Variants in SPATA6L observed in about 807,000 individuals in gnomAD.
SPATA6L encodes spermatogenesis associated 6-like protein.
SPATA6L carries 68 observed loss-of-function variants against 49.2 expected under a neutral mutation model. The observed-to-expected ratio is 1.38, with a 90% CI of 1.14 to 1.69. SPATA6L has a LOEUF of 1.69. Ranked by LOEUF, SPATA6L falls within the 40% of genes most tolerant of loss-of-function variation. The pLI is 0.00. For missense variants in SPATA6L, 668 were observed against 464.3 expected (o/e 1.44, Z -4.03); for synonymous variants, 198 against 165.7 (o/e 1.19, Z -1.50).
intron 1 of SPATA6L, chr9:4,663,471 C>T: frequency 1.8e-6 from 1 of 551,372 alleles, no homozygotes; most frequent in East Asian, 2.9e-5. Flanking sequence ...AGCAAAAAAA[C>T]CCAAAAAATC....
At chr9:4,652,216 T>C (rs1361513068) in intron 3 of SPATA6L, among the ~76,000 whole-genome samples, 2 of 149,790 alleles carry the variant, frequency 1.3e-5, no homozygotes, top group African/African-American at 4.9e-5. Context: ...AGGCCGGGAG[T>C]TCAAGATCAG....
At chr9:4,616,124 A>G (rs1293823790) in intron 9 of SPATA6L, among the ~76,000 whole-genome samples, 3 of 152,018 alleles carry the variant, frequency 2.0e-5, no homozygotes, top group African/African-American at 7.3e-5. Context: ...TAAAAATATG[A>G]AAATTAGCCG....
intron 9 of SPATA6L, among the ~76,000 whole-genome samples, chr9:4,605,851 C>G (rs1041348829): frequency 3.9e-5 from 6 of 152,200 alleles, no homozygotes; most frequent in Non-Finnish European, 5.9e-5. Context: ...CAGCTCCCAG[C>G]GTGAGCGACG....
At chr9:4,626,714 A>G in intron 5 of SPATA6L, 1 of 460,806 alleles carries the variant, frequency 2.2e-6, no homozygotes. Flanking sequence ...ACCCTGGCTG[A>G]TATATCAGTT....
At chr9:4,664,658 C>G (rs1312663829) in intron 1 of SPATA6L, 2 of 167,052 alleles carry the variant, frequency 1.2e-5, no homozygotes, top group Non-Finnish European at 2.9e-5. Flanking sequence ...GAAGTGATGT[C>G]CTCAGATAAT....
intron 11 of SPATA6L, among the ~76,000 whole-genome samples, chr9:4,602,020 GA>G (rs1823426311): frequency 6.6e-6 from 1 of 152,188 alleles, no homozygotes; most frequent in Non-Finnish European, 1.5e-5. Flanking sequence ...CATGACTCAA[GA>G]AGCGGGGTCA....
At chr9:4,646,556 A>G in intron 3 of SPATA6L, 1 of 1,437,052 alleles carries the variant, frequency 7.0e-7, no homozygotes, top group Non-Finnish European at 9.3e-7. Context: ...AGATTTTAAT[A>G]CTTCCAAAAA....
chr9:4,625,299 A>G (rs1181617818), intron 6 of SPATA6L, 28 bp downstream of exon 6: 1 of 1,599,514 alleles, frequency 6.3e-7, no homozygotes, highest in East Asian at 2.2e-5. Context: ...CTATTGCAAA[A>G]TGCTCTAAAA....
chr9:4,624,635 G>T (rs1186516186), intron 6 of SPATA6L, among the ~76,000 whole-genome samples: 2 of 151,716 alleles, frequency 1.3e-5, no homozygotes, highest in African/African-American at 4.8e-5. Flanking sequence ...GGCTGAGGCA[G>T]GAGAATCACT....
chr9:4,652,817 G>A (rs191764521), intron 3 of SPATA6L, among the ~76,000 whole-genome samples: 1 of 147,114 alleles, frequency 6.8e-6, no homozygotes, highest in African/African-American at 2.5e-5. Context: ...CTCCAGCCTA[G>A]GCAACAAGAG....
Position 4,662,820 on chromosome 9 carries a change from G to T in SPATA6L, c.40-784C>A, listed in dbSNP as rs765625387. 1.2e-6 allele frequency: 2 copies of T among 1,604,966 alleles called. No homozygotes were observed. Among genetic ancestry groups the T allele is most frequent in the Non-Finnish European group, 8.5e-7 (1 of 1,179,940 alleles). On this transcript the variant is annotated intron_variant, in intron 1 of 11. Transcript: ENST00000682582. The surrounding 1 kb of genome is among the most constrained non-coding windows in gnomAD (Gnocchi z 4.9). ...GGGACACGGCATCCCCTGGCTGCTG[G>T]GCACCCTCTACTGCCTGTGCAGGAG...
At chr9:4,613,745 A>G (rs1252034043) in intron 9 of SPATA6L, among the ~76,000 whole-genome samples, 1 of 152,006 alleles carries the variant, frequency 6.6e-6, no homozygotes, top group Non-Finnish European at 1.5e-5. Flanking sequence ...CACCAAGCCC[A>G]GCGAATTTTT....
intron 13 of SPATA6L, among the ~76,000 whole-genome samples, chr9:4,592,494 A>G (rs1317894778): frequency 1.3e-5 from 2 of 152,214 alleles, no homozygotes; most frequent in African/African-American, 4.8e-5. Flanking sequence ...CGAAGAAACT[A>G]GCACAAAACA....
chr9:4,609,528 G>A (rs1484889705), intron 9 of SPATA6L, among the ~76,000 whole-genome samples: 1 of 151,858 alleles, frequency 6.6e-6, no homozygotes, highest in Non-Finnish European at 1.5e-5. Flanking sequence ...CATATAAACA[G>A]AACCAAAGAC....
At position 4,635,328 on chromosome 9, in the gene SPATA6L, A is replaced by C. The variant is rs1564238501; in HGVS notation, c.298T>G (p.Ser100Ala). The C allele has an allele frequency of 1.3e-6, 2 of 1,590,378 alleles. No individual in the cohort carries two copies. Among genetic ancestry groups the C allele is most frequent in the African/African-American group, 2.7e-5 (2 of 73,006 alleles). The change falls in exon 4 of 12, where the codon TCG (serine) becomes GCG (alanine). Residue 100 changes from serine to alanine, a missense_variant. By Grantham distance (99) the Ser-to-Ala change is moderately conservative. Coordinates refer to ENST00000682582, the MANE Select transcript of SPATA6L (RefSeq NM_001353486.2). ...ACCTCCCTACACCTCCTAGGGTGCGAAGGTGTCAGCTTGGGCTCTGGGAAA... is the reference window on the plus strand; with the variant it reads ...ACCTCCCTACACCTCCTAGGGTGCGCAGGTGTCAGCTTGGGCTCTGGGAAA... ...FLFPEPKLTP[S>A]HPRRCREVLM...
chr9:4,615,697 G>C (rs571708839), intron 9 of SPATA6L, among the ~76,000 whole-genome samples: 1 of 152,298 alleles, frequency 6.6e-6, no homozygotes, highest in African/African-American at 2.4e-5. Flanking sequence ...TCAGTGACAA[G>C]GGGGTATGTC....
chr9:4,598,050 C>G (rs376782038), downstream of SPATA6L, among the ~76,000 whole-genome samples: 1 of 152,172 alleles, frequency 6.6e-6, no homozygotes, highest in Non-Finnish European at 1.5e-5. Flanking sequence ...ATCATTTGCA[C>G]TCTCATTTTT....
intron 13 of SPATA6L, among the ~76,000 whole-genome samples, chr9:4,592,504 A>C (rs573185023): frequency 1.5e-4 from 23 of 152,318 alleles, no homozygotes; most frequent in Non-Finnish European, 8.8e-5. Context: ...AGCACAAAAC[A>C]TTAAGCAACT....
intron 7 of SPATA6L, among the ~76,000 whole-genome samples, chr9:4,622,125 C>T (rs1240897176): frequency 6.6e-6 from 1 of 152,212 alleles, no homozygotes; most frequent in East Asian, 1.9e-4. Flanking sequence ...ACAAGTTGCA[C>T]TCTGCTTCCC....
Sources: allele counts gnomAD v4.1 joint callset (sites outside exome capture counted in the v4.1 genomes callset), GRCh38; gene constraint gnomAD v4.1.1; non-coding constraint Gnocchi (gnomAD v3.1); transcripts MANE v1.5; gene names NCBI Gene and HGNC (gene_info 2026-07-23, HGNC 2026-07-21).